Variants in ORMDL1 observed in about 807,000 individuals in gnomAD.
ORMDL1 encodes the protein ORM1-like protein 1.
A neutral mutation model predicts 13.0 loss-of-function variants in ORMDL1; 10 were observed. The observed-to-expected ratio is 0.77, with a 90% CI of 0.47 to 1.30. ORMDL1 has a LOEUF of 1.30. Ranked by LOEUF, ORMDL1 falls within the 50% of genes most tolerant of loss-of-function variation. The probability of loss-of-function intolerance (pLI) is 0.00; values close to 1 mark genes in which losing one functional copy is unlikely to be tolerated. For synonymous variants in ORMDL1, 61 were observed against 63.9 expected (o/e 0.95, Z 0.22); for missense variants, 171 against 186.7 (o/e 0.92, Z 0.49).
chr2:189,777,052 G>T (rs966551352), intron 3 of ORMDL1, among the ~76,000 whole-genome samples: 1 of 152,148 alleles, frequency 6.6e-6, no homozygotes, highest in Non-Finnish European at 1.5e-5. Context: ...TAAAGGTTCA[G>T]CTCAAATAAC....
chr2:189,771,735 G>T lies in ORMDL1; in HGVS notation c.*32C>A, dbSNP rs755851555. 3 of 1,542,416 alleles carry T rather than the reference G, an allele frequency of 1.9e-6. No individual in the cohort carries two copies. The East Asian group carries it at 7.0e-5, about 36-fold the overall frequency. On this transcript the variant is annotated 3_prime_UTR_variant, in exon 5 of 5. Transcript: ENST00000392349. ...CTCCTTCCTTATAAGAAATTCAGTA[G>T]CTGTAAAATTTTTTTTCAGTTTCAA... is the stretch of plus-strand genomic sequence containing the variant.
At chr2:189,776,640 TTA>T (rs1231012924) in intron 3 of ORMDL1, among the ~76,000 whole-genome samples, 1 of 152,172 alleles carries the variant, frequency 6.6e-6, no homozygotes, top group Non-Finnish European at 1.5e-5. Flanking sequence ...ATTTGAAATT[TTA>T]TATGATACCA....
chr2:189,774,861 G>A (rs2047658948), intron 4 of ORMDL1: 1 of 152,212 alleles, frequency 6.6e-6, no homozygotes, highest in Admixed American at 6.5e-5. Context: ...CCAGGTAGGA[G>A]TTGGGTGGGG....
rs113983916 is a variant in ORMDL1, at chr2:189,782,410, T to G, written c.174+12A>C. On this transcript the variant is annotated intron_variant, in intron 3 of 4. Transcript: ENST00000392349. ...AAACTTTTAAGTGTTTAGTATAATG[T>G]GAAATTCTTACCAGATTATGTATAA... 3 of 1,604,632 alleles carry G rather than the reference T, an allele frequency of 1.9e-6. No homozygotes were observed. In the African/African-American group the frequency reaches 4.0e-5, roughly 21 times the overall value.
chr2:189,776,824 G>A (rs547581556), intron 3 of ORMDL1, among the ~76,000 whole-genome samples: 2 of 152,122 alleles, frequency 1.3e-5, no homozygotes, highest in South Asian at 2.1e-4. Context: ...CAAGACATAG[G>A]ACATATATGC....
At position 189,783,989 on chromosome 2, in the gene ORMDL1, C is replaced by A. The variant is rs5742925; in HGVS notation, c.-118+280G>T. The A allele has an allele frequency of 0.018, 2,771 of 152,596 alleles. 96 individuals are homozygous for A. The highest frequency in any genetic ancestry group is 0.063 in the African/African-American group (2,628 of 41,578). 9.5% of individuals were successfully genotyped at this position (152,596 alleles called of 1,614,324 possible). A position where few individuals can be genotyped will look rare whatever the true frequency, so the allele number is the denominator to read the frequency against. ...GACCGACAGCCCGAGCGCTCTGGGCCAGAGAAAACTCAGCAAAAGCCGCCG... is the reference window on the plus strand; with the variant it reads ...GACCGACAGCCCGAGCGCTCTGGGCAAGAGAAAACTCAGCAAAAGCCGCCG... On this transcript the variant is annotated intron_variant, in intron 1 of 4. Transcript: ENST00000392349.
chr2:189,771,955 G>A, intron 4 of ORMDL1, 53 bp from the exon 5 acceptor site: 4 of 1,313,216 alleles, frequency 3.0e-6, no homozygotes, highest in Non-Finnish European at 4.0e-6. Context: ...AAAATTACTT[G>A]GAACTTAAAC....
downstream of ORMDL1, among the ~76,000 whole-genome samples, chr2:189,768,405 C>T (rs2047517303): frequency 6.6e-6 from 1 of 152,114 alleles, no homozygotes; most frequent in Non-Finnish European, 1.5e-5. Context: ...TAGCATGAGG[C>T]TATTTTTGGG....
At chr2:189,775,377 T>A in intron 4 of ORMDL1, 188 bp downstream of exon 4, 1 of 596,340 alleles carries the variant, frequency 1.7e-6, no homozygotes, top group South Asian at 2.3e-5. Context: ...GTATATGTAC[T>A]GACTGAAGTG....
At chr2:189,782,347 TC>T (rs1210021382) in intron 3 of ORMDL1, 74 bp downstream of exon 3, 4 of 1,353,624 alleles carry the variant, frequency 3.0e-6, no homozygotes, top group Non-Finnish European at 3.0e-6. Context: ...AACTTTCCAT[TC>T]CTTCCTCCCC....
At chr2:189,781,669 T>C (rs1314058234) in intron 3 of ORMDL1, among the ~76,000 whole-genome samples, 1 of 149,298 alleles carries the variant, frequency 6.7e-6, no homozygotes, top group South Asian at 2.1e-4. Flanking sequence ...TTCTATACAA[T>C]GAGAAAAAAA....
chr2:189,781,945 C>CTT (rs11288908), intron 3 of ORMDL1, among the ~76,000 whole-genome samples: 1 of 136,708 alleles, frequency 7.3e-6, no homozygotes, highest in African/African-American at 2.6e-5. Context: ...ATCTTAGACA[C>CTT]TTTTTTTTTT....
chr2:189,781,398 A>C (rs992358909), intron 3 of ORMDL1, among the ~76,000 whole-genome samples: 2 of 152,136 alleles, frequency 1.3e-5, no homozygotes, highest in Non-Finnish European at 2.9e-5. Context: ...TAAAGACAAG[A>C]AAAGTCGCTG....
intron 3 of ORMDL1, 89 bp downstream of exon 3, chr2:189,782,333 C>T: frequency 8.2e-7 from 1 of 1,215,152 alleles, no homozygotes; most frequent in Non-Finnish European, 1.1e-6. Context: ...ACCCATTAAG[C>T]AATAACTTTC....
At chr2:189,774,698 CAT>C (rs890823560) in intron 4 of ORMDL1, 11 of 152,232 alleles carry the variant, frequency 7.2e-5, no homozygotes, top group African/African-American at 2.4e-4. Context: ...CAAAATAAAA[CAT>C]ATATACATTT....
intron 3 of ORMDL1, among the ~76,000 whole-genome samples, chr2:189,776,149 TA>T: frequency 1.3e-5 from 2 of 152,254 alleles, no homozygotes; most frequent in East Asian, 3.9e-4. Context: ...TAGAAAACAA[TA>T]AAATGATTAA....
At chr2:189,781,672 GAAA>G (rs879493716) in intron 3 of ORMDL1, among the ~76,000 whole-genome samples, 3 of 144,276 alleles carry the variant, frequency 2.1e-5, no homozygotes, top group Non-Finnish European at 3.0e-5. Context: ...TATACAATGA[GAAA>G]AAAAAAAGTC....
chr2:189,779,746 T>C (rs2047781630), intron 3 of ORMDL1, among the ~76,000 whole-genome samples: 3 of 152,214 alleles, frequency 2.0e-5, no homozygotes, highest in Admixed American at 6.5e-5. Context: ...ATTTGATTTA[T>C]CTGAGTAATT....
chr2:189,780,547 T>G (rs1444776844), intron 3 of ORMDL1, among the ~76,000 whole-genome samples: 1 of 152,076 alleles, frequency 6.6e-6, no homozygotes, highest in Non-Finnish European at 1.5e-5. Context: ...AGGTAGAAAC[T>G]GAAAATATGG....
Sources: allele counts gnomAD v4.1 joint callset (sites outside exome capture counted in the v4.1 genomes callset), GRCh38; gene constraint gnomAD v4.1.1; transcripts MANE v1.5; gene names NCBI Gene and HGNC (gene_info 2026-07-23, HGNC 2026-07-21).